Variants in PCDHA11 observed in about 807,000 individuals in gnomAD.
PCDHA11 encodes protocadherin alpha 11.
Under a neutral mutation model 70.3 loss-of-function variants are expected in PCDHA11, and 61 were observed. The ratio of observed to expected loss-of-function variants is 0.87; its 90% CI spans 0.71 to 1.07. The LOEUF (loss-of-function observed/expected upper bound fraction) is 1.07, where lower values mean the gene tolerates loss of function less well. PCDHA11 is among the 50% of genes least tolerant of loss of function. The probability of loss-of-function intolerance (pLI) is 0.00; values close to 1 mark genes in which losing one functional copy is unlikely to be tolerated. For synonymous variants in PCDHA11, 633 were observed against 555.1 expected, an observed-to-expected ratio of 1.14 and a Z score of -1.97; for missense variants, 1,324 against 1,237.5, an observed-to-expected ratio of 1.07 and a Z score of -1.05.
chr5:140,955,641 A>G (rs173471), intron 1 of PCDHA11, among the ~76,000 whole-genome samples: 85,644 of 151,978 alleles, frequency 0.56, 24,753 homozygotes, highest in African/African-American at 0.69. Flanking sequence ...TGTGAGAACA[A>G]ATTAATACAC....
chr5:140,983,009 G>C (rs1272086703), intron 3 of PCDHA11, among the ~76,000 whole-genome samples: 2 of 151,884 alleles, frequency 1.3e-5, no homozygotes, highest in Non-Finnish European at 2.9e-5. Flanking sequence ...AAAGAAAAAG[G>C]AAGGAAGGAA....
At chr5:140,945,178 C>T (rs2093753648) in intron 1 of PCDHA11, among the ~76,000 whole-genome samples, 2 of 151,902 alleles carry the variant, frequency 1.3e-5, no homozygotes, top group Admixed American at 1.3e-4. Flanking sequence ...AAAAATAAAT[C>T]AAGAAAACCA....
Position 140,920,646 on chromosome 5 carries a change from C to T in PCDHA11, c.2391+49152C>T, listed in dbSNP as rs1210828369. Among the ~76,000 whole-genome samples, 4 of 152,014 alleles carry T rather than the reference C, an allele frequency of 2.6e-5. No individual in the cohort carries two copies. In the South Asian group the frequency reaches 8.3e-4, roughly 32 times the overall value. On this transcript the variant is annotated intron_variant, in intron 1 of 3. Coordinates refer to ENST00000398640, the MANE Select transcript of PCDHA11 (RefSeq NM_018902.5). ...GGATCACAAGGTCAAGAGATTGAGA[C>T]CATCCTTGCCAACATGGTGAAACCC...
At chr5:140,895,590 T>C (rs1554186569) in intron 1 of PCDHA11, among the ~76,000 whole-genome samples, 2 of 152,208 alleles carry the variant, frequency 1.3e-5, no homozygotes, top group Non-Finnish European at 2.9e-5. Context: ...ATTAGATATA[T>C]AATTTGCAAA....
chr5:140,901,232 AT>A (rs2068522830), intron 1 of PCDHA11, among the ~76,000 whole-genome samples: 4 of 152,022 alleles, frequency 2.6e-5, no homozygotes, highest in East Asian at 1.9e-4. Context: ...CCATATATCC[AT>A]TTTTTTCCTT....
At chr5:140,876,938 T>C in intron 1 of PCDHA11, 1 of 1,613,716 alleles carries the variant, frequency 6.2e-7, no homozygotes, top group East Asian at 2.2e-5. Context: ...AAGAACGCGC[T>C]GGTGTCCTAC....
chr5:140,877,440 G>A (rs372613448), intron 1 of PCDHA11: 9 of 1,613,710 alleles, frequency 5.6e-6, no homozygotes, highest in Non-Finnish European at 5.9e-6. Context: ...ACCACGGTGA[G>A]CCCGCGCTGA....
chr5:140,873,205 T>TTTTAAAAGTATTCTTAA (rs2054160501), intron 1 of PCDHA11, among the ~76,000 whole-genome samples: 1 of 152,206 alleles, frequency 6.6e-6, no homozygotes, highest in Non-Finnish European at 1.5e-5. Flanking sequence ...AAACATTCTT[T>TTTTAAAAGTATTCTTAA]AAGTATTAAA....
chr5:140,899,225 A>C (rs1479429839), intron 1 of PCDHA11, among the ~76,000 whole-genome samples: 1 of 152,038 alleles, frequency 6.6e-6, no homozygotes, highest in African/African-American at 2.4e-5. Context: ...TTCCAACACT[A>C]TGTTGAATAG....
Position 141,005,651 on chromosome 5 carries a change from G to A in PCDHA11, c.2540-3976G>A, listed in dbSNP as rs1554260215. ...CGGGAGGCGGAGCTTGCAGTGAGTC[G>A]AGATCGCGCCACTGCACTCCAGCCT... On this transcript the variant is annotated intron_variant, in intron 3 of 3. Coordinates refer to ENST00000398640, the MANE Select transcript of PCDHA11 (RefSeq NM_018902.5). Among the ~76,000 whole-genome samples, 4 of 131,238 alleles carry A rather than the reference G, an allele frequency of 3.0e-5. No homozygotes were observed. In the East Asian group the frequency reaches 7.0e-4, roughly 23 times the overall value. The allele number at this position is 131,238 out of a possible 152,430, so 86.1% of individuals were successfully genotyped here.
At chr5:140,884,917 C>G (rs1343503909) in intron 1 of PCDHA11, among the ~76,000 whole-genome samples, 1 of 152,168 alleles carries the variant, frequency 6.6e-6, no homozygotes, top group Non-Finnish European at 1.5e-5. Flanking sequence ...CTTAATAGTT[C>G]TAAGTATTTA....
chr5:140,913,055 T>G (rs1554195719), intron 1 of PCDHA11, among the ~76,000 whole-genome samples: 2 of 152,184 alleles, frequency 1.3e-5, no homozygotes, highest in African/African-American at 4.8e-5. Context: ...GAGTTTTATT[T>G]TATTTTGATG....
At chr5:140,987,668 G>C (rs1262402590) in intron 3 of PCDHA11, among the ~76,000 whole-genome samples, 1 of 152,082 alleles carries the variant, frequency 6.6e-6, no homozygotes, top group Non-Finnish European at 1.5e-5. Context: ...GAACAATCAG[G>C]GTTTAGTAAA....
intron 1 of PCDHA11, among the ~76,000 whole-genome samples, chr5:140,969,908 TG>T (rs2096368267): frequency 6.6e-6 from 1 of 152,184 alleles, no homozygotes; most frequent in Non-Finnish European, 1.5e-5. Flanking sequence ...ATGTCACAAG[TG>T]ATAAAGCTGT....
At chr5:140,897,900 A>G (rs1173970358) in intron 1 of PCDHA11, among the ~76,000 whole-genome samples, 5 of 152,140 alleles carry the variant, frequency 3.3e-5, no homozygotes, top group Non-Finnish European at 5.9e-5. Context: ...GTGAGATGGT[A>G]TCTCATTGTG....
rs1335716065 is a variant in PCDHA11 at position 140,875,555 on chromosome 5, G to A, written c.2391+4061G>A. On this transcript the variant is annotated intron_variant, in intron 1 of 3. Coordinates refer to ENST00000398640, the MANE Select transcript of PCDHA11 (RefSeq NM_018902.5). ...CTCCTTGCAGCCTGGGAGGTGGGGA[G>A]CGGCCAGCTCCACTACTCCGTCTAC... is the stretch of plus-strand genomic sequence containing the variant. 5 of 1,614,018 alleles carry A rather than the reference G, an allele frequency of 3.1e-6. No individual in the cohort carries two copies. In the East Asian group the frequency reaches 6.7e-5, roughly 22 times the overall value.
intron 1 of PCDHA11, among the ~76,000 whole-genome samples, chr5:140,922,956 T>G (rs2081088317): frequency 6.6e-6 from 1 of 152,236 alleles, no homozygotes; most frequent in Non-Finnish European, 1.5e-5. Context: ...CCAGTTTGTC[T>G]TCAGCCAGTG....
chr5:140,921,932 TAATTTTACACTTGTAA>T (rs781950121), intron 1 of PCDHA11, among the ~76,000 whole-genome samples: 10 of 152,080 alleles, frequency 6.6e-5, no homozygotes, highest in Non-Finnish European at 1.5e-4. Flanking sequence ...ATAGTCAATA[TAATTTTACACTTGTAA>T]AATCCCAGAA....
chr5:141,004,369 C>A (rs1239142670), intron 3 of PCDHA11, among the ~76,000 whole-genome samples: 1 of 152,206 alleles, frequency 6.6e-6, no homozygotes, highest in Non-Finnish European at 1.5e-5. Flanking sequence ...ACACCTTGTT[C>A]TGCTCTGCGG....
Sources: gnomAD v4.1 joint callset for allele counts (sites outside exome capture counted in the v4.1 genomes callset) on GRCh38, gnomAD v4.1.1 for gene constraint, MANE v1.5 for transcripts, NCBI Gene and HGNC (gene_info 2026-07-23, HGNC 2026-07-21) for gene names.